The following PLEKHA7 variants were observed in gnomAD, a reference collection of about 807,000 sequenced individuals.
PLEKHA7 encodes pleckstrin homology domain containing A7, also known as pleckstrin homology domain-containing family A member 7.
PLEKHA7 carries 104 observed loss-of-function variants against 170.0 expected under a neutral mutation model. That is an observed-to-expected ratio of 0.61 (90% CI 0.52 to 0.72). PLEKHA7 has a LOEUF of 0.72. Ranked by LOEUF, PLEKHA7 falls within the 30% of genes least tolerant of loss-of-function variation. The pLI is 0.00. For synonymous variants in PLEKHA7, 648 were observed against 660.8 expected, an observed-to-expected ratio of 0.98 and a Z score of 0.30; for missense variants, 1,615 against 1,671.7, an observed-to-expected ratio of 0.97 and a Z score of 0.59.
chr11:17,002,149 T>C (rs911776389), intron 3 of PLEKHA7, among the ~76,000 whole-genome samples: 1 of 152,170 alleles, frequency 6.6e-6, no homozygotes, highest in Non-Finnish European at 1.5e-5. Flanking sequence ...CCTGCCTTTC[T>C]GAGGGAGGCC....
At chr11:16,956,942 C>T (rs1267828508) in intron 3 of PLEKHA7, among the ~76,000 whole-genome samples, 1 of 152,176 alleles carries the variant, frequency 6.6e-6, no homozygotes, top group Non-Finnish European at 1.5e-5. Flanking sequence ...CAGATGATCC[C>T]AAGGAAAGTG....
rs1392414816 is a variant in PLEKHA7, at chr11:16,826,536, G to C, written c.927C>G (p.Ser309=). The change falls in exon 10 of 27, where the codon TCC becomes TCG. Residue 309 remains serine, a synonymous_variant. Coordinates refer to ENST00000531066, the MANE Select transcript of PLEKHA7 (RefSeq NM_001329630.2). ...QAVPQANHTE[S]CHECGRVGPG... ...GTCCCACCCGGCCACATTCGTGACA[G>C]GACTCTGTGTGGTTGGCCTGGGGGA... 4 of 1,614,046 alleles carry C rather than the reference G, an allele frequency of 2.5e-6. No homozygotes were observed. The highest frequency in any genetic ancestry group is 3.4e-6 in the Non-Finnish European group (4 of 1,180,044).
At chr11:17,013,772 C>G (rs1045702620) in intron 3 of PLEKHA7, among the ~76,000 whole-genome samples, 7 of 152,192 alleles carry the variant, frequency 4.6e-5, no homozygotes, top group African/African-American at 1.4e-4. Flanking sequence ...TCTTCCCCCC[C>G]GGCCCAGGTC....
At chr11:16,865,101 C>T (rs1854277445) in intron 4 of PLEKHA7, among the ~76,000 whole-genome samples, 1 of 152,222 alleles carries the variant, frequency 6.6e-6, no homozygotes, top group Non-Finnish European at 1.5e-5. Context: ...AATTGCTCAA[C>T]ACCTCTCTTA....
intron 3 of PLEKHA7, among the ~76,000 whole-genome samples, chr11:16,926,463 G>A (rs763140751): frequency 2.6e-5 from 4 of 152,204 alleles, no homozygotes; most frequent in Non-Finnish European, 4.4e-5. Flanking sequence ...TATGCCAGGA[G>A]CAACAGATAA....
chr11:16,978,857 T>A (rs1565174741), intron 3 of PLEKHA7, among the ~76,000 whole-genome samples: 1 of 152,162 alleles, frequency 6.6e-6, no homozygotes, highest in African/African-American at 2.4e-5. Flanking sequence ...CATATACATA[T>A]AAACACACAC....
At chr11:16,849,755 T>C (rs1375516077) in intron 8 of PLEKHA7, among the ~76,000 whole-genome samples, 2 of 152,198 alleles carry the variant, frequency 1.3e-5, no homozygotes, top group East Asian at 3.8e-4. Context: ...TGAGGTCACA[T>C]GTATCAAAGT....
intron 3 of PLEKHA7, among the ~76,000 whole-genome samples, chr11:16,958,434 G>C (rs972761064): frequency 1.3e-5 from 2 of 152,208 alleles, no homozygotes; most frequent in African/African-American, 4.8e-5. Context: ...GTGTATGCAT[G>C]ATTCCAAGTT....
In PLEKHA7 at chr11:16,791,319, T is replaced by TA. The variant is rs1847840258; in HGVS notation, c.2746-121_2746-120insT. The TA allele has an allele frequency of 1.0e-6, 1 of 969,316 alleles. No individual in the cohort carries two copies. The highest frequency in any genetic ancestry group is 1.5e-6 in the Non-Finnish European group (1 of 659,810). The allele number at this position is 969,316 out of a possible 1,614,324, so 60.0% of individuals were successfully genotyped here. On this transcript the variant is annotated intron_variant, in intron 19 of 26. Coordinates refer to ENST00000531066, the MANE Select transcript of PLEKHA7 (RefSeq NM_001329630.2). This position sits in a 1 kb window ranked among gnomAD's most constrained non-coding sequence, Gnocchi z 4.5. ...CAGGCCACATCAGAGCCACAGAACA[T>TA]GACTGCCTCAGCCAAGGAGCACTCA...
At chr11:16,799,924 G>C (rs1848474923) in intron 17 of PLEKHA7, among the ~76,000 whole-genome samples, 1 of 152,166 alleles carries the variant, frequency 6.6e-6, no homozygotes, top group Admixed American at 6.5e-5. Flanking sequence ...AGGGACAGCA[G>C]GGCCCTTGGA....
At chr11:16,783,445 G>T (rs984869329) in intron 25 of PLEKHA7, among the ~76,000 whole-genome samples, 74 of 152,208 alleles carry the variant, frequency 4.9e-4, no homozygotes, top group African/African-American at 1.6e-3. Context: ...GGGTCACTTG[G>T]GACACAGAAT....
intron 23 of PLEKHA7, chr11:16,788,649 A>G (rs1244954047): frequency 9.3e-6 from 2 of 215,468 alleles, no homozygotes; most frequent in Non-Finnish European, 1.9e-5. Context: ...CCCTTGGGGC[A>G]GGGGTGTGAC....
At chr11:16,969,961 T>C (rs1199561779) in intron 3 of PLEKHA7, among the ~76,000 whole-genome samples, 4 of 152,032 alleles carry the variant, frequency 2.6e-5, no homozygotes, top group Admixed American at 2.6e-4. Flanking sequence ...ATGCCCAGAG[T>C]GATGTCAAAG....
chr11:16,838,725 C>T (rs949998040), intron 9 of PLEKHA7, among the ~76,000 whole-genome samples: 2 of 129,598 alleles, frequency 1.5e-5, no homozygotes, highest in African/African-American at 5.7e-5. Flanking sequence ...GAGACAGTCT[C>T]GCTCTGTTGC....
intron 3 of PLEKHA7, among the ~76,000 whole-genome samples, chr11:16,992,658 A>AGGC (rs1309950119): frequency 2.6e-5 from 4 of 151,630 alleles, no homozygotes; most frequent in African/African-American, 7.3e-5. Context: ...TGGGAGGCAG[A>AGGC]GGCAGGAGAA....
chr11:16,887,473 C>T (rs1423478621), intron 3 of PLEKHA7, among the ~76,000 whole-genome samples: 2 of 152,160 alleles, frequency 1.3e-5, no homozygotes, highest in South Asian at 2.1e-4. Context: ...GCCGCCATCT[C>T]GGCTCACTGC....
intron 13 of PLEKHA7, 63 bp downstream of exon 13, chr11:16,813,050 A>G (rs1055231155): frequency 3.4e-6 from 5 of 1,472,728 alleles, no homozygotes; most frequent in Non-Finnish European, 4.7e-6. Flanking sequence ...GCTTGGCTCC[A>G]GTGAGGTGAC....
chr11:16,902,092 G>A (rs981789241), intron 3 of PLEKHA7, among the ~76,000 whole-genome samples: 4 of 152,072 alleles, frequency 2.6e-5, no homozygotes, highest in African/African-American at 9.7e-5. Flanking sequence ...TAGACACTAG[G>A]TCATCTTTTG....
At chr11:16,872,604 C>T (rs183347904) in intron 3 of PLEKHA7, among the ~76,000 whole-genome samples, 2 of 152,274 alleles carry the variant, frequency 1.3e-5, no homozygotes, top group Non-Finnish European at 2.9e-5. Context: ...GCTGCAGGCT[C>T]AAACTCCTGG....
Sources: allele counts gnomAD v4.1 joint callset (sites outside exome capture counted in the v4.1 genomes callset), GRCh38; gene constraint gnomAD v4.1.1; non-coding constraint Gnocchi (gnomAD v3.1); transcripts MANE v1.5; gene names NCBI Gene and HGNC (gene_info 2026-07-23, HGNC 2026-07-21).